REV3L: variants seen among roughly 807,000 people sequenced by gnomAD.
The protein encoded by REV3L is DNA polymerase zeta catalytic subunit.
In REV3L, 69 loss-of-function variants were observed where a neutral mutation model predicts 299.4. The ratio of observed to expected loss-of-function variants is 0.23; its 90% CI spans 0.19 to 0.28. REV3L has a LOEUF of 0.28. Ranked by LOEUF, REV3L falls within the 10% of genes least tolerant of loss-of-function variation. REV3L has a pLI of 1.00. For missense variants in REV3L, 3,128 were observed against 3,693.8 expected, an observed-to-expected ratio of 0.85 and a Z score of 3.97; for synonymous variants, 1,238 against 1,271.4, an observed-to-expected ratio of 0.97 and a Z score of 0.56.
chr6:111,398,204 G>C (rs571320887), intron 4 of REV3L, among the ~76,000 whole-genome samples: 1 of 151,862 alleles, frequency 6.6e-6, no homozygotes, highest in Non-Finnish European at 1.5e-5. Flanking sequence ...TACATGTTCA[G>C]AGAAACTTCT....
chr6:111,338,276 C>G (rs975941392), intron 21 of REV3L, among the ~76,000 whole-genome samples: 9 of 107,218 alleles, frequency 8.4e-5, no homozygotes, highest in Non-Finnish European at 1.3e-4. Flanking sequence ...TTAAAACATA[C>G]TGGTTTATTT....
intron 1 of REV3L, among the ~76,000 whole-genome samples, chr6:111,482,507 C>G (rs568191352): frequency 1.4e-4 from 22 of 152,076 alleles, no homozygotes; most frequent in African/African-American, 4.1e-4. Context: ...AGTCTAAACA[C>G]GCGGCGCTCG....
At chr6:111,362,713 A>G (rs578047964) in intron 16 of REV3L, among the ~76,000 whole-genome samples, 1 of 152,298 alleles carries the variant, frequency 6.6e-6, no homozygotes, top group South Asian at 2.1e-4. Flanking sequence ...TTATCCTTCT[A>G]GTATATCTCA....
chr6:111,339,774 AATC>A (rs762843171), intron 21 of REV3L, among the ~76,000 whole-genome samples: 11 of 152,194 alleles, frequency 7.2e-5, no homozygotes, highest in Non-Finnish European at 1.6e-4. Flanking sequence ...TCCGAAATAA[AATC>A]ATCATCCTTT....
rs750229185 is a variant in REV3L at position 111,367,627 on chromosome 6, T to C, written c.6161A>G (p.Asp2054Gly). ...AGTGGGGAGTATACATGGACTTACA[T>C]CCATTTTTGGAGGCACTACAGGTTT... ...DDKPVVPPKM[D>G]VSPCILPTTA... The change falls in exon 14 of 32, where the codon GAT (aspartate) becomes GGT (glycine). Residue 2054 changes from aspartate to glycine, a missense_variant. By Grantham distance (94) the Asp-to-Gly change is moderately conservative. Coordinates refer to ENST00000368802, the MANE Select transcript of REV3L (RefSeq NM_001372078.1). The C allele has an allele frequency of 6.2e-7, 1 of 1,614,168 alleles. No individual in the cohort carries two copies. The highest frequency in any genetic ancestry group is 1.1e-5 in the South Asian group (1 of 91,078).
At chr6:111,388,123 CAAAT>C (rs1562236533) in intron 7 of REV3L, 38 bp from the exon 8 acceptor site, 19 of 1,351,328 alleles carry the variant, frequency 1.4e-5, no homozygotes, top group Middle Eastern at 3.8e-4. Context: ...ATGTAAATAG[CAAAT>C]GAATGAAATA....
intron 1 of REV3L, chr6:111,460,313 T>C (rs1243503290): frequency 1.3e-5 from 2 of 152,086 alleles, no homozygotes; most frequent in Non-Finnish European, 2.9e-5. Context: ...TTGAGTACTA[T>C]GCTCACTTCC....
intron 4 of REV3L, among the ~76,000 whole-genome samples, chr6:111,402,517 T>C (rs968774073): frequency 4.6e-5 from 7 of 152,324 alleles, no homozygotes; most frequent in African/African-American, 1.7e-4. Flanking sequence ...CACTTCTTTA[T>C]TGTTCATAAA....
At chr6:111,364,540 A>G (rs1779014865) in intron 15 of REV3L, among the ~76,000 whole-genome samples, 1 of 151,990 alleles carries the variant, frequency 6.6e-6, no homozygotes, top group African/African-American at 2.4e-5. Context: ...TGTTCACAAC[A>G]CACTGATATA....
intron 24 of REV3L, chr6:111,330,393 A>G: frequency 2.4e-6 from 1 of 413,074 alleles, no homozygotes. Context: ...AAGACTAGGG[A>G]GAATTTATGA....
Position 111,416,334 on chromosome 6 carries a change from T to C in REV3L, c.278A>G (p.Asn93Ser), listed in dbSNP as rs773599198. The change falls in exon 2 of 32, where the codon AAT becomes AGT. Residue 93 changes from asparagine to serine, a missense_variant. Asn to Ser is a conservative substitution (Grantham distance 46). Coordinates refer to ENST00000368802, the MANE Select transcript of REV3L (RefSeq NM_001372078.1). ...IDRALNVALG[N>S]PSSTAQHVFK... ...CACATGCTGAGCAGTGGAAGATGGA[T>C]TGCCTAAAGCCACATTAAGTGCTCT... is the stretch of plus-strand genomic sequence containing the variant. The C allele has an allele frequency of 6.2e-6, 10 of 1,613,736 alleles. No homozygotes were observed. The highest frequency in any genetic ancestry group is 4.5e-5 in the East Asian group (2 of 44,874).
At position 111,364,972 on chromosome 6, in the gene REV3L, G is replaced by A. The variant is rs560770033; in HGVS notation, c.6753+293C>T. On this transcript the variant is annotated intron_variant, in intron 15 of 31. Transcript: ENST00000368802. ...AGCTCTGCTGTCATTGGATTGTTCTGATTTTGCCAGTAATCAGTTAATGTA... is the reference window on the plus strand; with the variant it reads ...AGCTCTGCTGTCATTGGATTGTTCTAATTTTGCCAGTAATCAGTTAATGTA... 3.3e-5 allele frequency among the ~76,000 whole-genome samples: 5 copies of A among 151,970 alleles called. No individual in the cohort carries two copies. The South Asian group carries it at 1.0e-3, about 32-fold the overall frequency.
At chr6:111,483,512 G>C, upstream of REV3L, 2 of 530,068 alleles carry the variant, frequency 3.8e-6, no homozygotes, top group South Asian at 3.2e-5. Flanking sequence ...GATGGGCTCC[G>C]AGGGGCTTGC....
At chr6:111,379,450 A>G (rs1780611988) in intron 11 of REV3L, among the ~76,000 whole-genome samples, 1 of 152,240 alleles carries the variant, frequency 6.6e-6, no homozygotes, top group African/African-American at 2.4e-5. Context: ...ACTCAAACCA[A>G]TCAAGTTCAC....
At chr6:111,352,827 A>AAGG (rs1347420633) in intron 18 of REV3L, among the ~76,000 whole-genome samples, 8 of 152,172 alleles carry the variant, frequency 5.3e-5, no homozygotes, top group Non-Finnish European at 1.0e-4. Flanking sequence ...TCCAATCCAG[A>AAGG]AGGAGCCTCT....
intron 1 of REV3L, among the ~76,000 whole-genome samples, chr6:111,465,566 T>C (rs1791352417): frequency 6.6e-6 from 1 of 151,152 alleles, no homozygotes; most frequent in African/African-American, 2.4e-5. Flanking sequence ...AAACCCCATC[T>C]CTTCTAAAAA....
chr6:111,469,723 C>T (rs527378056), intron 1 of REV3L, among the ~76,000 whole-genome samples: 79 of 152,226 alleles, frequency 5.2e-4, no homozygotes, highest in African/African-American at 1.6e-3. Context: ...ATTATCCAGA[C>T]ATAGCTATCC....
At chr6:111,395,997 T>C (rs976046599) in intron 4 of REV3L, among the ~76,000 whole-genome samples, 10 of 152,156 alleles carry the variant, frequency 6.6e-5, no homozygotes, top group African/African-American at 2.2e-4. Context: ...CATTTATTGA[T>C]TTGTATATAA....
chr6:111,383,704 A>G (rs35709539), intron 9 of REV3L, among the ~76,000 whole-genome samples: 8,527 of 152,256 alleles, frequency 0.056, 272 homozygotes, highest in Middle Eastern at 0.085. Flanking sequence ...CTACAGATTC[A>G]ATGCAATCCC....
Sources: allele counts gnomAD v4.1 joint callset (sites outside exome capture counted in the v4.1 genomes callset), GRCh38; gene constraint gnomAD v4.1.1; transcripts MANE v1.5; gene names NCBI Gene and HGNC (gene_info 2026-07-23, HGNC 2026-07-21).